EFCC1: variants seen among roughly 807,000 people sequenced by gnomAD.
The protein encoded by EFCC1 is EF-hand and coiled-coil domain containing 1.
A neutral mutation model predicts 52.1 loss-of-function variants in EFCC1; 50 were observed. The observed-to-expected ratio is 0.96, with a 90% CI of 0.76 to 1.21. EFCC1 has a LOEUF of 1.21. Among genes scored for constraint, EFCC1 ranks in the 50% most tolerant of loss-of-function variants. The pLI is 0.00. For missense variants in EFCC1, 837 were observed against 867.3 expected, an observed-to-expected ratio of 0.97 and a Z score of 0.44; for synonymous variants, 399 against 396.5, an observed-to-expected ratio of 1.01 and a Z score of -0.08.
At chr3:129,031,008 GC>G in intron 3 of EFCC1, 148 bp downstream of exon 3, 1 of 1,113,882 alleles carries the variant, frequency 9.0e-7, no homozygotes, top group Non-Finnish European at 1.2e-6. Flanking sequence ...CTGGGCTGGG[GC>G]CCTTTTCCCC....
chr3:129,017,725 T>TTAA (rs1365755686), intron 2 of EFCC1, among the ~76,000 whole-genome samples: 1 of 146,420 alleles, frequency 6.8e-6, no homozygotes, highest in Non-Finnish European at 1.5e-5. Flanking sequence ...GGGACTTGTG[T>TTAA]GATTAGACAG....
At position 129,003,981 on chromosome 3, in the gene EFCC1, G is replaced by T. The variant is rs1441698910; in HGVS notation, c.884G>T (p.Ser295Ile). The change falls in exon 2 of 8, where the codon AGC becomes ATC. Residue 295 changes from serine to isoleucine, a missense_variant. Ser to Ile is a moderately radical substitution (Grantham distance 142, BLOSUM62 -2). Transcript: ENST00000683648. ...AEEARQVVLRSLHRVRELEAL... is the reference protein window; with the variant it reads ...AEEARQVVLRILHRVRELEAL... The stretch of plus-strand genomic sequence containing the variant: ...GAGGCCCGGCAGGTGGTGCTGCGCA[G>T]CCTGCACCGCGTGCGAGAGCTGGAG... 1.5e-5 allele frequency: 22 copies of T among 1,496,722 alleles called. 1 individual carries two copies. In the East Asian group the frequency reaches 6.2e-4, roughly 42 times the overall value. The allele number at this position is 1,496,722 out of a possible 1,614,324, so 92.7% of individuals were successfully genotyped here.
intron 2 of EFCC1, among the ~76,000 whole-genome samples, chr3:129,008,255 C>A (rs1327998243): frequency 6.6e-6 from 1 of 152,244 alleles, no homozygotes; most frequent in East Asian, 1.9e-4. Flanking sequence ...TAAGACAGCC[C>A]TTGCTGGCCC....
rs754893918 is a variant in EFCC1, at chr3:129,034,347, A to G, written c.1452+18A>G. 4 of 1,612,628 alleles carry G rather than the reference A, an allele frequency of 2.5e-6. No homozygotes were observed. The highest frequency in any genetic ancestry group is 3.4e-6 in the Non-Finnish European group (4 of 1,179,452). On this transcript the variant is annotated intron_variant, in intron 5 of 7. Transcript: ENST00000683648. ...AGGAGGAGGTCAGCAGAGCCTAGAG[A>G]TCAAAGGCTGGAGCAATTCTAGAGG...
chr3:129,031,626 T>C (rs899248951), intron 3 of EFCC1, among the ~76,000 whole-genome samples: 6 of 152,172 alleles, frequency 3.9e-5, no homozygotes, highest in African/African-American at 1.4e-4. Context: ...AAAGAGAATG[T>C]ATTGGTTCAC....
intron 2 of EFCC1, among the ~76,000 whole-genome samples, chr3:129,018,505 G>A (rs72979113): frequency 0.072 from 11,032 of 152,290 alleles, 1,150 homozygotes; most frequent in African/African-American, 0.22. Flanking sequence ...CTGCTCCTGT[G>A]CAGAGTGGAG....
intron 2 of EFCC1, among the ~76,000 whole-genome samples, chr3:129,009,048 C>T (rs1945200829): frequency 6.6e-6 from 1 of 152,076 alleles, no homozygotes; most frequent in Admixed American, 6.5e-5. Flanking sequence ...GTAATGCAAA[C>T]AGCTTCATGT....
chr3:129,033,190 C>T (rs1946307397), intron 4 of EFCC1, among the ~76,000 whole-genome samples: 3 of 152,198 alleles, frequency 2.0e-5, no homozygotes, highest in African/African-American at 4.8e-5. Context: ...CTTTAATTCC[C>T]ATTCGTGCTT....
intron 2 of EFCC1, among the ~76,000 whole-genome samples, chr3:129,026,462 C>T (rs951170180): frequency 6.6e-6 from 1 of 152,218 alleles, no homozygotes; most frequent in Non-Finnish European, 1.5e-5. Flanking sequence ...CCCTTACCTG[C>T]TGACATACCT....
rs1300051990 is a variant in EFCC1 at position 129,010,036 on chromosome 3, C to T, written c.980+5959C>T. 6.6e-6 allele frequency among the ~76,000 whole-genome samples: 1 copy of T among 152,240 alleles called. No homozygotes were observed. The highest frequency in any genetic ancestry group is 6.5e-5 in the Admixed American group (1 of 15,288). Reference sequence around the variant, plus strand: ...CCTAGCACCCAGCCCAGCCTTGGCACACAGTAAGATGTGTGTGGACACACG... The same window carrying T: ...CCTAGCACCCAGCCCAGCCTTGGCATACAGTAAGATGTGTGTGGACACACG... On this transcript the variant is annotated intron_variant, in intron 2 of 7. Transcript: ENST00000683648. The surrounding 1 kb of genome is among the most constrained non-coding windows in gnomAD (Gnocchi z 4.3).
intron 2 of EFCC1, among the ~76,000 whole-genome samples, chr3:129,018,532 C>T (rs1335926552): frequency 6.6e-6 from 1 of 152,206 alleles, no homozygotes; most frequent in East Asian, 1.9e-4. Flanking sequence ...TGACAACAAC[C>T]TCATGGGCTT....
At chr3:129,008,618 G>A (rs1304997940) in intron 2 of EFCC1, among the ~76,000 whole-genome samples, 1 of 151,404 alleles carries the variant, frequency 6.6e-6, no homozygotes, top group East Asian at 1.9e-4. Context: ...CAATCCTTGG[G>A]ACACAGAAAT....
chr3:129,002,422 A>C (rs1458598370), intron 1 of EFCC1, 98 bp downstream of exon 1: 2 of 1,421,126 alleles, frequency 1.4e-6, no homozygotes, highest in African/African-American at 3.0e-5. Context: ...AGTCAGAGGA[A>C]GGGGAGACAG....
chr3:129,007,608 G>A (rs944080972), intron 2 of EFCC1, among the ~76,000 whole-genome samples: 2 of 152,204 alleles, frequency 1.3e-5, no homozygotes, highest in African/African-American at 4.8e-5. Flanking sequence ...TCCCTCTAAG[G>A]TTGGTATTAT....
chr3:129,001,691 G>A lies in EFCC1; in HGVS notation c.63G>A (p.Arg21=), dbSNP rs1251024949. 1 of 1,489,910 alleles carries A rather than the reference G, an allele frequency of 6.7e-7. No individual in the cohort carries two copies. The highest frequency in any genetic ancestry group is 1.5e-5 in the African/African-American group (1 of 68,692). The allele number at this position is 1,489,910 out of a possible 1,614,324, so 92.3% of individuals were successfully genotyped here. ...AGGGCGCGGGAGGTGACCCGTACCG[G>A]CGACCTGCGCGGCGCACGCAGTGGC... ...GMEGAGGDPY[R]RPARRTQWLL... is the part of the protein sequence containing the mutation. The change falls in exon 1 of 8, where the codon CGG becomes CGA. Residue 21 remains arginine, a synonymous_variant. Coordinates refer to ENST00000683648, the MANE Select transcript of EFCC1 (RefSeq NM_001377500.1).
chr3:129,024,206 A>G (rs1217037356), intron 2 of EFCC1, among the ~76,000 whole-genome samples: 2 of 152,228 alleles, frequency 1.3e-5, no homozygotes, highest in South Asian at 2.1e-4. Flanking sequence ...CTGCTGTAAC[A>G]GAATACCACA....
intron 1 of EFCC1, 167 bp downstream of exon 1, chr3:129,002,491 T>G: frequency 7.7e-7 from 1 of 1,301,550 alleles, no homozygotes. Flanking sequence ...CCCCTGTTCC[T>G]CCCCATTCCA....
At chr3:129,015,756 C>T (rs150700186) in intron 2 of EFCC1, among the ~76,000 whole-genome samples, 9 of 151,812 alleles carry the variant, frequency 5.9e-5, no homozygotes, top group East Asian at 2.0e-4. Flanking sequence ...ATTTATTTTC[C>T]GCCCTTCCTC....
intron 2 of EFCC1, among the ~76,000 whole-genome samples, chr3:129,018,523 GACA>G (rs1427786896): frequency 6.6e-6 from 1 of 152,178 alleles, no homozygotes; most frequent in East Asian, 1.9e-4. Flanking sequence ...GAGTAGCTCT[GACA>G]ACAACCTCAT....
Sources: allele counts gnomAD v4.1 joint callset (sites outside exome capture counted in the v4.1 genomes callset), GRCh38; gene constraint gnomAD v4.1.1; non-coding constraint Gnocchi (gnomAD v3.1); transcripts MANE v1.5; gene names NCBI Gene and HGNC (gene_info 2026-07-23, HGNC 2026-07-21).